Variants in ARVCF observed in about 807,000 individuals in gnomAD.
The protein encoded by ARVCF is ARVCF delta catenin family member.
Under a neutral mutation model 90.9 loss-of-function variants are expected in ARVCF, and 66 were observed. That is an observed-to-expected ratio of 0.73 (90% CI 0.60 to 0.89). ARVCF has a LOEUF of 0.89. Among genes scored for constraint, ARVCF ranks in the 40% least tolerant of loss-of-function variants. ARVCF has a pLI of 0.00. For synonymous variants in ARVCF, 653 were observed against 603.4 expected (o/e 1.08, Z -1.21); for missense variants, 1,469 against 1,382.3 (o/e 1.06, Z -1.00).
At chr22:19,986,094 C>A (rs1252230045) in intron 3 of ARVCF, among the ~76,000 whole-genome samples, 6 of 152,224 alleles carry the variant, frequency 3.9e-5, no homozygotes, top group Non-Finnish European at 8.8e-5. Flanking sequence ...GGCAGAGATG[C>A]CAAAAAGCCA....
rs553077663 is a variant in ARVCF at position 20,004,312 on chromosome 22, C to T, written c.-19+6143G>A. Reference sequence around the variant, plus strand: ...TACTACTGAAAGGGATCTACAGATTCAGTGCAATTCCTATTAAAATCCCAA... The same window carrying T: ...TACTACTGAAAGGGATCTACAGATTTAGTGCAATTCCTATTAAAATCCCAA... On this transcript the variant is annotated intron_variant, in intron 2 of 19. Transcript: ENST00000263207. 2.6e-5 allele frequency among the ~76,000 whole-genome samples: 4 copies of T among 152,162 alleles called. No individual in the cohort carries two copies. In the South Asian group the frequency reaches 8.3e-4, roughly 32 times the overall value.
chr22:19,973,614 C>G (rs1346131064), intron 13 of ARVCF, 29 bp downstream of exon 13: 2 of 1,586,382 alleles, frequency 1.3e-6, no homozygotes, highest in Non-Finnish European at 8.6e-7. Flanking sequence ...AGTTCGGTGC[C>G]CAGGCGTGGG....
Position 19,981,702 on chromosome 22 carries a change from T to A in ARVCF, c.405A>T (p.Thr135=). The part of the protein sequence containing the change: ...TKTVKTVTTR[T]VRQVPVGPDG... ...CTGGGCCCACGGGCACCTGGCGTACTGTCCGAGTGGTCACCGTCTTGACAG... is the reference window on the plus strand; with the variant it reads ...CTGGGCCCACGGGCACCTGGCGTACAGTCCGAGTGGTCACCGTCTTGACAG... The change falls in exon 5 of 20, where the codon ACA becomes ACT. Residue 135 remains threonine, a synonymous_variant. Coordinates refer to ENST00000263207, the MANE Select transcript of ARVCF (RefSeq NM_001670.3). 6.3e-7 allele frequency: 1 copy of A among 1,591,024 alleles called. No individual in the cohort carries two copies. The highest frequency in any genetic ancestry group is 8.6e-7 in the Non-Finnish European group (1 of 1,168,168).
intron 16 of ARVCF, 41 bp from the exon 17 acceptor site, chr22:19,972,452 A>T: frequency 6.2e-7 from 1 of 1,609,668 alleles, no homozygotes; most frequent in Middle Eastern, 1.7e-4. Flanking sequence ...TGTGGCAGCC[A>T]GGGGGGATCG....
At chr22:20,012,233 T>C (rs939545727) in intron 1 of ARVCF, among the ~76,000 whole-genome samples, 8 of 152,228 alleles carry the variant, frequency 5.3e-5, no homozygotes, top group Admixed American at 4.6e-4. Flanking sequence ...AAGTGAGGCA[T>C]TGGAGAGGGC....
At chr22:20,015,984 G>A (rs1448858771) in intron 1 of ARVCF, among the ~76,000 whole-genome samples, 2 of 152,196 alleles carry the variant, frequency 1.3e-5, no homozygotes, top group South Asian at 2.1e-4. Flanking sequence ...CCTCAGAGTG[G>A]AGATGACATG....
downstream of ARVCF, chr22:19,966,871 G>C: frequency 2.2e-6 from 2 of 902,216 alleles, no homozygotes; most frequent in Non-Finnish European, 2.7e-6. Context: ...TCTAAGGAGG[G>C]TGGGCCAGAT....
chr22:19,972,486 T>C, intron 16 of ARVCF, 75 bp from the exon 17 acceptor site: 2 of 1,577,624 alleles, frequency 1.3e-6, no homozygotes, highest in Non-Finnish European at 1.7e-6. Flanking sequence ...CACACAGGGC[T>C]GGCCCAGGTA....
chr22:20,006,564 G>C (rs910240284), intron 2 of ARVCF, among the ~76,000 whole-genome samples: 2 of 107,890 alleles, frequency 1.9e-5, no homozygotes, highest in Non-Finnish European at 4.2e-5. Flanking sequence ...GGGCGGTAGA[G>C]CGTGACTCTG....
At chr22:19,980,458 G>A (rs1943431332) in intron 5 of ARVCF, 5 of 629,838 alleles carry the variant, frequency 7.9e-6, no homozygotes, top group Non-Finnish European at 9.6e-6. Context: ...CCCAGCCAGC[G>A]GCTACCAGGA....
At chr22:19,972,215 C>T (rs1942849557) in intron 17 of ARVCF, 143 bp downstream of exon 17, 2 of 1,156,566 alleles carry the variant, frequency 1.7e-6, no homozygotes, top group Non-Finnish European at 2.5e-6. Context: ...TCTAGCTGCC[C>T]TGTACCTCAC....
chr22:19,986,357 C>T (rs1011262442), intron 3 of ARVCF, among the ~76,000 whole-genome samples: 2 of 152,210 alleles, frequency 1.3e-5, no homozygotes, highest in African/African-American at 4.8e-5. Flanking sequence ...CTCTCCTCTG[C>T]TCAGTTTCCC....
intron 4 of ARVCF, 64 bp downstream of exon 4, chr22:19,981,869 G>A (rs1435380825): frequency 2.0e-5 from 31 of 1,587,910 alleles, no homozygotes; most frequent in Middle Eastern, 3.4e-4. Context: ...TGTCCACTCT[G>A]CAGGTGGGAC....
intron 6 of ARVCF, chr22:19,979,372 C>G: frequency 1.9e-6 from 1 of 520,150 alleles, no homozygotes; most frequent in Non-Finnish European, 3.4e-6. Flanking sequence ...CAGGGCCTCA[C>G]AGAGACACGG....
At position 19,981,705 on chromosome 22, in the gene ARVCF, C is replaced by A; in HGVS notation, c.402G>T (p.Arg134=). 6.3e-7 allele frequency: 1 copy of A among 1,585,448 alleles called. No individual in the cohort carries two copies. Among genetic ancestry groups the A allele is most frequent in the Non-Finnish European group, 8.6e-7 (1 of 1,164,730 alleles). ...VTKTVKTVTT[R]TVRQVPVGPD... ...GGCCCACGGGCACCTGGCGTACTGT[C>A]CGAGTGGTCACCGTCTTGACAGTCT... The change falls in exon 5 of 20, where the codon CGG becomes CGT. Residue 134 remains arginine (R), a synonymous_variant. Coordinates refer to ENST00000263207, the MANE Select transcript of ARVCF (RefSeq NM_001670.3).
intron 9 of ARVCF, among the ~76,000 whole-genome samples, 165 bp downstream of exon 9, chr22:19,977,250 C>T (rs1448134859): frequency 2.0e-5 from 3 of 152,144 alleles, no homozygotes; most frequent in Non-Finnish European, 4.4e-5. Flanking sequence ...ACCATGTGAC[C>T]CAGGGCAGTC....
intron 2 of ARVCF, among the ~76,000 whole-genome samples, chr22:20,005,898 C>G (rs1189302612): frequency 6.6e-6 from 1 of 151,850 alleles, no homozygotes; most frequent in Non-Finnish European, 1.5e-5. Flanking sequence ...GGAAGCAACC[C>G]AAGTGTCCAC....
chr22:19,970,697 C>T lies in ARVCF; in HGVS notation c.*59G>A. On this transcript the variant is annotated 3_prime_UTR_variant, in exon 20 of 20. Coordinates refer to ENST00000263207, the MANE Select transcript of ARVCF (RefSeq NM_001670.3). The stretch of plus-strand genomic sequence containing the variant: ...ACGGCACGATCTGCTCAGGGTGGCC[C>T]TTCTTCCACGATCCAAGCCCTAAGA... 7.8e-7 allele frequency: 1 copy of T among 1,287,800 alleles called. No individual in the cohort carries two copies. The highest frequency in any genetic ancestry group is 1.0e-6 in the Non-Finnish European group (1 of 988,280). 79.8% of individuals were successfully genotyped at this position (1,287,800 alleles called of 1,614,324 possible). A position where few individuals can be genotyped will look rare whatever the true frequency, so the allele number is the denominator to read the frequency against.
chr22:20,000,887 C>T (rs1182688480), intron 2 of ARVCF, among the ~76,000 whole-genome samples: 1 of 152,190 alleles, frequency 6.6e-6, no homozygotes. Context: ...GCCTCCAGCA[C>T]TGTGAACAGT....
Sources: allele counts gnomAD v4.1 joint callset (sites outside exome capture counted in the v4.1 genomes callset), GRCh38; gene constraint gnomAD v4.1.1; transcripts MANE v1.5; gene names NCBI Gene and HGNC (gene_info 2026-07-23, HGNC 2026-07-21).